Variants in PNMA6F observed in about 807,000 individuals in gnomAD.
PNMA6F encodes the protein paraneoplastic antigen Ma6F.
For missense variants in PNMA6F, 57 were observed against 10.8 expected (o/e 5.25, Z -5.98); for synonymous variants, 14 against 3.4 (o/e 4.15, Z -3.45).
At chrX:153,321,193 G>C (rs1424697640) in intron 1 of PNMA6F, 3 of 107,629 alleles carry the variant, frequency 2.8e-5, no homozygotes, top group Non-Finnish European at 5.8e-5. Flanking sequence ...GACCTCCCCC[G>C]TCTCTTTTCC....
rs897295494 is a variant in PNMA6F, at chrX:153,319,940, C to T, written c.735G>A (p.Val245=). Residue 245 remains valine, a synonymous_variant, in exon 2 of 2, where the codon GTG becomes GTA. Coordinates refer to ENST00000436629, the MANE Select transcript of PNMA6F (RefSeq NM_001354980.2). ...TCAGTTCCCGGTAGGCCATAGTTTT[C>T]ACCAGAGGCCGCAGGGTCTGGCGCC... ...QSWRQTLRPL[V]KTMAYRELRP... 2 of 305,198 alleles carry T rather than the reference C, an allele frequency of 6.6e-6. No homozygotes were observed. The highest frequency in any genetic ancestry group is 5.7e-6 in the Non-Finnish European group (1 of 175,233). The allele number at this position is 305,198 out of a possible 1,213,427, so 25.2% of individuals were successfully genotyped here.
Position 153,319,189 on chromosome X carries a change from C to A in PNMA6F, c.1486G>T (p.Ala496Ser), listed in dbSNP as rs2051977482. ...CCCTGACCTAGGCCTTCAAGGCCTG[C>A]AGGGGCATTTTCATCTTCCCCAGTG... is the stretch of plus-strand genomic sequence containing the variant. ...PATGEDENAP[A>S]GLEGLGQGRS... Residue 496 changes from alanine to serine, a missense_variant, in exon 2 of 2, where the codon GCA (alanine) becomes TCA (serine). Coordinates refer to ENST00000436629, the MANE Select transcript of PNMA6F (RefSeq NM_001354980.2). 3.4e-6 allele frequency: 1 copy of A among 297,799 alleles called. No homozygotes were observed. Among genetic ancestry groups the A allele is most frequent in the East Asian group, 4.8e-5 (1 of 21,024 alleles). The allele number at this position is 297,799 out of a possible 1,213,427, so 24.5% of individuals were successfully genotyped here.
rs1432643873 is a variant in PNMA6F, at chrX:153,319,215, G to T, written c.1460C>A (p.Ala487Asp). 1 of 297,729 alleles carries T rather than the reference G, an allele frequency of 3.4e-6. No homozygotes were observed. Among genetic ancestry groups the T allele is most frequent in the Non-Finnish European group, 5.9e-6 (1 of 170,417 alleles). 24.5% of individuals were successfully genotyped at this position (297,729 alleles called of 1,213,427 possible). Reference protein sequence around the residue: ...TTKEAARVAPATGEDENAPAG... With the variant: ...TTKEAARVAPDTGEDENAPAG... ...AGGGGCATTTTCATCTTCCCCAGTG[G>T]CAGGGGCAACCCTGGCGGCCTCTTT... The change falls in exon 2 of 2, where the codon GCC becomes GAC. Residue 487 changes from alanine to aspartate, a missense_variant. Transcript: ENST00000436629.
At chrX:153,320,963 C>G (rs2051991809) in intron 1 of PNMA6F, among the ~76,000 whole-genome samples, 1 of 108,786 alleles carries the variant, frequency 9.2e-6, no homozygotes, top group Non-Finnish European at 1.9e-5. Flanking sequence ...GGGAGATCCC[C>G]TTTTGCCTGA....
In PNMA6F at chrX:153,319,308, G is replaced by A. The variant is rs1233989763; in HGVS notation, c.1367C>T (p.Pro456Leu). The A allele has an allele frequency of 1.0e-5, 3 of 297,185 alleles. No homozygotes were observed. Among genetic ancestry groups the A allele is most frequent in the Admixed American group, 6.0e-5 (1 of 16,579 alleles). The allele number at this position is 297,185 out of a possible 1,213,427, so 24.5% of individuals were successfully genotyped here. A position where few individuals can be genotyped will look rare whatever the true frequency, so the allele number is the denominator to read the frequency against. Reference sequence around the variant, plus strand: ...AGCCTCGCTGGCGTCCCCCTGGGCCGGGGAGGCCTGGGCAGCAGCTGGGTC... The same window carrying A: ...AGCCTCGCTGGCGTCCCCCTGGGCCAGGGAGGCCTGGGCAGCAGCTGGGTC... ...SEDPAAAQAS[P>L]AQGDASEADP... is the part of the protein sequence containing the mutation. The change falls in exon 2 of 2, where the codon CCG becomes CTG. Residue 456 changes from proline (P) to leucine (L), a missense_variant. Transcript: ENST00000436629.
In PNMA6F at chrX:153,318,180, C is replaced by A; in HGVS notation, c.*758G>T. ...ACAGTCATGGTCACCATCATGGTCA[C>A]GGGCACCATCGTGGTCATGCTCACC... On this transcript the variant is annotated 3_prime_UTR_variant, in exon 2 of 2. Transcript: ENST00000436629. 8.4e-6 allele frequency: 1 copy of A among 118,741 alleles called. No homozygotes were observed. 9.8% of individuals were successfully genotyped at this position (118,741 alleles called of 1,213,427 possible). A position where few individuals can be genotyped will look rare whatever the true frequency, so the allele number is the denominator to read the frequency against.
Position 153,320,250 on chromosome X carries a change from C to T in PNMA6F, c.425G>A (p.Gly142Asp). The T allele has an allele frequency of 6.1e-6, 2 of 328,568 alleles. No individual in the cohort carries two copies. The allele number at this position is 328,568 out of a possible 1,213,427, so 27.1% of individuals were successfully genotyped here. The change falls in exon 2 of 2, where the codon GGT becomes GAT. Residue 142 changes from glycine to aspartate, a missense_variant. Gly to Asp is a moderately conservative substitution (Grantham distance 94, BLOSUM62 -1). Coordinates refer to ENST00000436629, the MANE Select transcript of PNMA6F (RefSeq NM_001354980.2). ...AGGVNEERSA[G>D]EDEAGGIGEA... Reference sequence around the variant, plus strand: ...ACCTATACCTCCTGCCTCATCTTCACCTGCAGATCTTTCCTCATTCACACC... The same window carrying T: ...ACCTATACCTCCTGCCTCATCTTCATCTGCAGATCTTTCCTCATTCACACC...
At position 153,321,559 on chromosome X, in the gene PNMA6F, G is replaced by A. The variant is rs1780476867; in HGVS notation, c.-91C>T. 1 of 105,773 alleles carries A rather than the reference G, an allele frequency of 9.5e-6. No homozygotes were observed. Among genetic ancestry groups the A allele is most frequent in the Non-Finnish European group, 1.9e-5 (1 of 51,382 alleles). The allele number at this position is 105,773 out of a possible 1,213,427, so 8.7% of individuals were successfully genotyped here. The stretch of plus-strand genomic sequence containing the variant: ...CCGCCGGAGCCTGCTCACTTTCTCC[G>A]ACTCTGCGGACGCTGCGACCACCCG... On this transcript the variant is annotated 5_prime_UTR_variant, in exon 1 of 2. Coordinates refer to ENST00000436629, the MANE Select transcript of PNMA6F (RefSeq NM_001354980.2).
rs1556958592 is a variant in PNMA6F at position 153,319,208 on chromosome X, C to G, written c.1467G>C (p.Gly489=). 3.4e-6 allele frequency: 1 copy of G among 297,738 alleles called. No individual in the cohort carries two copies. Among genetic ancestry groups the G allele is most frequent in the African/African-American group, 2.7e-5 (1 of 37,028 alleles). 24.5% of individuals were successfully genotyped at this position (297,738 alleles called of 1,213,427 possible). A position where few individuals can be genotyped will look rare whatever the true frequency, so the allele number is the denominator to read the frequency against. Residue 489 remains glycine, a synonymous_variant, in exon 2 of 2, where the codon GGG becomes GGC. Coordinates refer to ENST00000436629, the MANE Select transcript of PNMA6F (RefSeq NM_001354980.2). ...GGCCTGCAGGGGCATTTTCATCTTC[C>G]CCAGTGGCAGGGGCAACCCTGGCGG... is the stretch of plus-strand genomic sequence containing the variant. ...KEAARVAPAT[G]EDENAPAGLE... is the part of the protein sequence containing the mutation.
At position 153,319,522 on chromosome X, in the gene PNMA6F, G is replaced by T. The variant is rs192678593; in HGVS notation, c.1153C>A (p.Arg385=). The change falls in exon 2 of 2, where the codon CGG becomes AGG. Residue 385 remains arginine, a synonymous_variant. Transcript: ENST00000436629. ...GGGCGGGCCCGAGACAGCACCTGCC[G>T]CAGTCGCAGGTGGTTGGCCATGGCT... ...HPAMANHLRL[R]QVLSRARPSE... The T allele has an allele frequency of 3.6e-3, 1,080 of 297,130 alleles. 13 individuals carry two copies. The highest frequency in any genetic ancestry group is 0.026 in the African/African-American group (963 of 36,886). The allele number at this position is 297,130 out of a possible 1,213,427, so 24.5% of individuals were successfully genotyped here.
chrX:153,320,588 A>G lies in PNMA6F; in HGVS notation c.87T>C (p.His29=), dbSNP rs190226244. Residue 29 remains histidine (H), a synonymous_variant, in exon 2 of 2, where the codon CAT becomes CAC. Transcript: ENST00000436629. ...ILDIPDDCEE[H]EFQEAVRAAL... Reference sequence around the variant, plus strand: ...CAGCCCGCACGGCCTCCTGGAACTCATGTTCCTCGCAGTCGTCAGGGATAT... The same window carrying G: ...CAGCCCGCACGGCCTCCTGGAACTCGTGTTCCTCGCAGTCGTCAGGGATAT... The G allele has an allele frequency of 2.7e-3, 787 of 295,574 alleles. 15 individuals are homozygous for G. The Admixed American group carries it at 0.036, about 14-fold the overall frequency. The allele number at this position is 295,574 out of a possible 1,213,427, so 24.4% of individuals were successfully genotyped here.
Position 153,320,133 on chromosome X carries a change from T to C in PNMA6F, c.542A>G (p.Glu181Gly). The change falls in exon 2 of 2, where the codon GAG (glutamate) becomes GGG (glycine). Residue 181 changes from glutamate to glycine, a missense_variant. Coordinates refer to ENST00000436629, the MANE Select transcript of PNMA6F (RefSeq NM_001354980.2). ...GAAGEAGGAGEAGGAGEAGGA... is the reference protein window; with the variant it reads ...GAAGEAGGAGGAGGAGEAGGA... ...TCCTGCCTCACCTGCACCTCCTGCC[T>C]CACCTGCACCTCCTGCCTCACCTGC... 2.8e-6 allele frequency: 1 copy of C among 356,874 alleles called. No homozygotes were observed. Among genetic ancestry groups the C allele is most frequent in the Non-Finnish European group, 4.8e-6 (1 of 209,149 alleles). 29.4% of individuals were successfully genotyped at this position (356,874 alleles called of 1,213,427 possible).
At position 153,318,863 on chromosome X, in the gene PNMA6F, G is replaced by A. The variant is rs2051974860; in HGVS notation, c.*75C>T. The A allele has an allele frequency of 1.3e-5, 4 of 297,663 alleles. No individual in the cohort carries two copies. The highest frequency in any genetic ancestry group is 4.8e-5 in the East Asian group (1 of 21,009). The allele number at this position is 297,663 out of a possible 1,213,427, so 24.5% of individuals were successfully genotyped here. On this transcript the variant is annotated 3_prime_UTR_variant, in exon 2 of 2. Transcript: ENST00000436629. Reference sequence around the variant, plus strand: ...AGCTCCCAACATGGGGTGAGGGACCGGCCCTGGCCTGGCCTCTGTCTGCCT... The same window carrying A: ...AGCTCCCAACATGGGGTGAGGGACCAGCCCTGGCCTGGCCTCTGTCTGCCT...
Position 153,320,338 on chromosome X carries a change from C to T in PNMA6F, c.337G>A (p.Val113Met). ...CCTGCTTCACCTGCACCTCTGGCCA[C>T]TGCTTGCCCCTGGGGCTGTGCAGGG... ...SFPAQPQGQAVARGAGEAGAA... is the reference protein window; with the variant it reads ...SFPAQPQGQAMARGAGEAGAA... The change falls in exon 2 of 2, where the codon GTG (valine) becomes ATG (methionine). Residue 113 changes from valine to methionine, a missense_variant. Val to Met is a conservative substitution (Grantham distance 21). Transcript: ENST00000436629. 1 of 312,614 alleles carries T rather than the reference C, an allele frequency of 3.2e-6. No homozygotes were observed. Among genetic ancestry groups the T allele is most frequent in the Non-Finnish European group, 5.5e-6 (1 of 180,230 alleles). 25.8% of individuals were successfully genotyped at this position (312,614 alleles called of 1,213,427 possible).
chrX:153,320,227 C>G lies in PNMA6F; in HGVS notation c.448G>C (p.Gly150Arg). The G allele has an allele frequency of 3.0e-6, 1 of 337,231 alleles. No homozygotes were observed. Among genetic ancestry groups the G allele is most frequent in the Non-Finnish European group, 5.1e-6 (1 of 196,484 alleles). The allele number at this position is 337,231 out of a possible 1,213,427, so 27.8% of individuals were successfully genotyped here. Residue 150 changes from glycine to arginine, a missense_variant, in exon 2 of 2, where the codon GGT (glycine) becomes CGT (arginine). By Grantham distance (125) the Gly-to-Arg change is moderately radical (BLOSUM62 -2). Coordinates refer to ENST00000436629, the MANE Select transcript of PNMA6F (RefSeq NM_001354980.2). ...SAGEDEAGGI[G>R]EAGGVGEAGA... ...GCCTCACCTACACCTCCTGCCTCAC[C>G]TATACCTCCTGCCTCATCTTCACCT...
At position 153,319,732 on chromosome X, in the gene PNMA6F, G is replaced by C. The variant is rs782083794; in HGVS notation, c.943C>G (p.Pro315Ala). Residue 315 changes from proline to alanine, a missense_variant, in exon 2 of 2, where the codon CCA (proline) becomes GCA (alanine). Physicochemically the swap from Pro to Ala is conservative, Grantham distance 27 (BLOSUM62 -1). Coordinates refer to ENST00000436629, the MANE Select transcript of PNMA6F (RefSeq NM_001354980.2). ...AGGCAGTCCTGCGCAGAGAAGTCTG[G>C]ATCTTCCTCCAGGAGGCCGCTCACG... ...DIVSGLLEED[P>A]DFSAQDCLTA... 9.1e-4 allele frequency: 272 copies of C among 298,065 alleles called. No individual in the cohort carries two copies. Among genetic ancestry groups the C allele is most frequent in the Non-Finnish European group, 1.4e-3 (247 of 171,039 alleles). The allele number at this position is 298,065 out of a possible 1,213,427, so 24.6% of individuals were successfully genotyped here.
intron 1 of PNMA6F, among the ~76,000 whole-genome samples, chrX:153,320,982 C>T (rs2051991860): frequency 9.2e-6 from 1 of 108,693 alleles, no homozygotes; most frequent in African/African-American, 3.4e-5. Flanking sequence ...GAGCTGATGT[C>T]CCCTTATCAC....
chrX:153,320,103 G>T lies in PNMA6F; in HGVS notation c.572C>A (p.Ala191Glu), dbSNP rs1159239638. The change falls in exon 2 of 2, where the codon GCA becomes GAA. Residue 191 changes from alanine (A) to glutamate (E), a missense_variant. Coordinates refer to ENST00000436629, the MANE Select transcript of PNMA6F (RefSeq NM_001354980.2). Reference protein sequence around the residue: ...EAGGAGEAGGAGEEGGTGEEG... With the variant: ...EAGGAGEAGGEGEEGGTGEEG... The stretch of plus-strand genomic sequence containing the variant: ...CTCACCTGTACCTCCTTCCTCACCT[G>T]CACCTCCTGCCTCACCTGCACCTCC... 1.4e-5 allele frequency: 5 copies of T among 352,838 alleles called. 1 individual carries two copies. The Admixed American group carries it at 2.6e-4, about 19-fold the overall frequency. The allele number at this position is 352,838 out of a possible 1,213,427, so 29.1% of individuals were successfully genotyped here.
In PNMA6F at chrX:153,319,823, G is replaced by A. The variant is rs1421860557; in HGVS notation, c.852C>T (p.Cys284=). ...EDAKDMLQLW[C]HASERERRRR... is the part of the protein sequence containing the mutation. ...TCCTTCTCTCCCTTTCCGACGCGTG[G>A]CACCACAGCTGCAGCATATCCTTGG... Residue 284 remains cysteine, a synonymous_variant, in exon 2 of 2, where the codon TGC becomes TGT. Transcript: ENST00000436629. 6.7e-6 allele frequency: 2 copies of A among 299,825 alleles called. No homozygotes were observed. The highest frequency in any genetic ancestry group is 2.7e-5 in the African/African-American group (1 of 36,677). The allele number at this position is 299,825 out of a possible 1,213,427, so 24.7% of individuals were successfully genotyped here.
Sources: gnomAD v4.1 joint callset for allele counts (sites outside exome capture counted in the v4.1 genomes callset) on GRCh38, gnomAD v4.1.1 for gene constraint, MANE v1.5 for transcripts, NCBI Gene and HGNC (gene_info 2026-07-23, HGNC 2026-07-21) for gene names.